The following CEPT1 variants were observed in gnomAD, a reference collection of about 807,000 sequenced individuals.
CEPT1 encodes choline/ethanolaminephosphotransferase 1.
In CEPT1, 7 loss-of-function variants were observed where a neutral mutation model predicts 42.6. The observed-to-expected ratio is 0.16, with a 90% CI of 0.09 to 0.31. The LOEUF (loss-of-function observed/expected upper bound fraction) is 0.31, where lower values mean the gene tolerates loss of function less well. Ranked by LOEUF, CEPT1 falls within the 10% of genes least tolerant of loss-of-function variation. CEPT1 has a pLI of 1.00. For synonymous variants in CEPT1, 171 were observed against 171.9 expected (o/e 0.99, Z 0.04); for missense variants, 306 against 502.1 (o/e 0.61, Z 3.73).
intron 5 of CEPT1, among the ~76,000 whole-genome samples, chr1:111,175,610 C>G (rs779222546): frequency 6.6e-6 from 1 of 152,212 alleles, no homozygotes; most frequent in Non-Finnish European, 1.5e-5. Flanking sequence ...TTGCGTAACT[C>G]TCTCTGGCTT....
intron 1 of CEPT1, among the ~76,000 whole-genome samples, chr1:111,143,066 G>A (rs1392081542): frequency 1.3e-5 from 2 of 152,110 alleles, no homozygotes; most frequent in African/African-American, 4.8e-5. Context: ...AATAATTTTG[G>A]CTGTGTTCTA....
At chr1:111,170,207 A>T (rs955811000) in intron 4 of CEPT1, among the ~76,000 whole-genome samples, 2 of 152,154 alleles carry the variant, frequency 1.3e-5, no homozygotes, top group African/African-American at 4.8e-5. Flanking sequence ...AAAGGTGATA[A>T]AGATAGACTG....
upstream of CEPT1, chr1:111,139,603 G>C (rs1051801068): frequency 6.6e-6 from 1 of 152,250 alleles, no homozygotes; most frequent in African/African-American, 2.4e-5. Flanking sequence ...GAATTAATTA[G>C]ACCGCTGATT....
At chr1:111,144,479 G>A (rs1470688102) in intron 1 of CEPT1, among the ~76,000 whole-genome samples, 1 of 152,206 alleles carries the variant, frequency 6.6e-6, no homozygotes, top group East Asian at 1.9e-4. Context: ...GCTAGATCTG[G>A]AAAGGTTTGT....
chr1:111,173,411 C>A (rs1656519570), intron 4 of CEPT1, among the ~76,000 whole-genome samples: 1 of 151,858 alleles, frequency 6.6e-6, no homozygotes, highest in Admixed American at 6.6e-5. Context: ...TTTTTAGTTG[C>A]AAGACATTAG....
intron 1 of CEPT1, among the ~76,000 whole-genome samples, chr1:111,145,360 G>C (rs1460840113): frequency 1.3e-5 from 2 of 152,220 alleles, no homozygotes; most frequent in African/African-American, 4.8e-5. Flanking sequence ...TGGCACTGAT[G>C]AGTCTCTTGA....
At chr1:111,163,108 A>G (rs1458942845) in intron 4 of CEPT1, among the ~76,000 whole-genome samples, 1 of 152,106 alleles carries the variant, frequency 6.6e-6, no homozygotes, top group Non-Finnish European at 1.5e-5. Flanking sequence ...AAACAGGAGG[A>G]AACTCTGCCA....
intron 2 of CEPT1, among the ~76,000 whole-genome samples, chr1:111,149,609 A>G (rs899338032): frequency 6.6e-6 from 1 of 152,198 alleles, no homozygotes; most frequent in African/African-American, 2.4e-5. Flanking sequence ...GATACTTAAA[A>G]AACACAAACC....
intron 3 of CEPT1, chr1:111,160,324 T>A (rs181187329): frequency 4.6e-4 from 70 of 152,324 alleles, no homozygotes; most frequent in Non-Finnish European, 8.2e-4. Context: ...CCTCCCCTCT[T>A]TTATTTTTGT....
intron 1 of CEPT1, among the ~76,000 whole-genome samples, chr1:111,141,385 TTTCC>T (rs1302275419): frequency 6.6e-6 from 1 of 152,258 alleles, no homozygotes; most frequent in African/African-American, 2.4e-5. Context: ...ACAACTTGTC[TTTCC>T]AACACATTTA....
chr1:111,145,335 CAGTT>C (rs1050133250), intron 1 of CEPT1, among the ~76,000 whole-genome samples: 20 of 152,216 alleles, frequency 1.3e-4, no homozygotes, highest in African/African-American at 4.1e-4. Flanking sequence ...CAGGGCATCT[CAGTT>C]GGTTAAATTG....
chr1:111,175,221 G>A (rs925535620), intron 5 of CEPT1, among the ~76,000 whole-genome samples: 1 of 152,086 alleles, frequency 6.6e-6, no homozygotes, highest in Admixed American at 6.6e-5. Context: ...TTACAGATGA[G>A]GAAACAGCAG....
chr1:111,159,751 G>T, intron 3 of CEPT1: 1 of 357,242 alleles, frequency 2.8e-6, no homozygotes, highest in South Asian at 4.0e-5. Context: ...ATATTGTTTT[G>T]GCATCTTTTG....
At chr1:111,183,135 G>A (rs780816910) in intron 7 of CEPT1, among the ~76,000 whole-genome samples, 178 bp downstream of exon 7, 11 of 152,162 alleles carry the variant, frequency 7.2e-5, no homozygotes, top group Admixed American at 6.5e-5. Flanking sequence ...ACAATTTGAA[G>A]TTACTGGAAG....
Position 111,167,470 on chromosome 1 carries a change from A to G in CEPT1, c.629+6174A>G, listed in dbSNP as rs77900139. 4,965 of 860,704 alleles carry G rather than the reference A, an allele frequency of 5.8e-3. 201 individuals are homozygous for G. The African/African-American group carries it at 0.08, about 14-fold the overall frequency. 53.3% of individuals were successfully genotyped at this position (860,704 alleles called of 1,614,324 possible). On this transcript the variant is annotated intron_variant, in intron 4 of 8. Coordinates refer to ENST00000357172, the MANE Select transcript of CEPT1 (RefSeq NM_006090.5). The stretch of plus-strand genomic sequence containing the variant: ...GCCTATTATTTTTATTCTATGTACT[A>G]TTTTTTAAAACAAATACCTTTCCAC...
At chr1:111,174,094 T>C (rs1307205357) in intron 4 of CEPT1, among the ~76,000 whole-genome samples, 2 of 152,138 alleles carry the variant, frequency 1.3e-5, no homozygotes, top group Admixed American at 6.5e-5. Flanking sequence ...AATGATAATC[T>C]CAAAATTGTA....
At chr1:111,182,744 A>G in intron 6 of CEPT1, 55 bp from the exon 7 acceptor site, 2 of 1,438,822 alleles carry the variant, frequency 1.4e-6, no homozygotes, top group South Asian at 1.3e-5. Context: ...CAGCAGATCC[A>G]TGTAGTATCT....
chr1:111,142,088 C>T (rs1164384070), intron 1 of CEPT1, among the ~76,000 whole-genome samples: 1 of 152,044 alleles, frequency 6.6e-6, no homozygotes, highest in African/African-American at 2.4e-5. Flanking sequence ...GTCAGACATT[C>T]CCCATGCTAA....
chr1:111,164,385 A>G (rs945239245), intron 4 of CEPT1, among the ~76,000 whole-genome samples: 21 of 152,344 alleles, frequency 1.4e-4, no homozygotes, highest in Middle Eastern at 3.4e-3. Context: ...TCTGACAGAG[A>G]TGACTAGCCT....
Sources: allele counts gnomAD v4.1 joint callset (sites outside exome capture counted in the v4.1 genomes callset), GRCh38; gene constraint gnomAD v4.1.1; transcripts MANE v1.5; gene names NCBI Gene and HGNC (gene_info 2026-07-23, HGNC 2026-07-21).